TAF9: variants seen among roughly 807,000 people sequenced by gnomAD.
TAF9 encodes the protein transcription initiation factor TFIID subunit 9.
TAF9 carries 10 observed loss-of-function variants against 16.5 expected under a neutral mutation model. The ratio of observed to expected loss-of-function variants is 0.61; its 90% CI spans 0.37 to 1.03. The LOEUF is 1.03. Among genes scored for constraint, TAF9 ranks in the 50% least tolerant of loss-of-function variants. The pLI is 0.01. For synonymous variants in TAF9, 105 were observed against 120.5 expected, an observed-to-expected ratio of 0.87 and a Z score of 0.84; for missense variants, 288 against 319.1, an observed-to-expected ratio of 0.90 and a Z score of 0.74.
Position 69,366,589 on chromosome 5 carries a change from G to A in TAF9, c.-104C>T. On this transcript the variant is annotated 5_prime_UTR_variant, in exon 2 of 3. Transcript: ENST00000217893. ...GCCTAGTGTGGTTTTTCCAACCCCTGGTGTACCTGTAAGACAAGCCACAGA... is the reference window on the plus strand; with the variant it reads ...GCCTAGTGTGGTTTTTCCAACCCCTAGTGTACCTGTAAGACAAGCCACAGA... 6.2e-7 allele frequency: 1 copy of A among 1,612,560 alleles called. No homozygotes were observed. Among genetic ancestry groups the A allele is most frequent in the Non-Finnish European group, 8.5e-7 (1 of 1,178,800 alleles).
intron 1 of TAF9, chr5:69,367,867 T>C (rs945843574): frequency 1.3e-5 from 2 of 152,160 alleles, no homozygotes; most frequent in Admixed American, 6.5e-5. Flanking sequence ...CTTATAAAGA[T>C]TTAAAAACTG....
At position 69,364,749 on chromosome 5, in the gene TAF9, GAATGAC is replaced by G; in HGVS notation, c.*188_*193del. ...ACTGCCAAAGCACCAACAATCGAAT[GAATGAC>G]AACTTTATTTTTCTTACACTTTTAA... On this transcript the variant is annotated 3_prime_UTR_variant, in exon 3 of 3. Coordinates refer to ENST00000217893, the MANE Select transcript of TAF9 (RefSeq NM_003187.5). 1 of 671,054 alleles carries G rather than the reference GAATGAC, an allele frequency of 1.5e-6. No individual in the cohort carries two copies. Among genetic ancestry groups the G allele is most frequent in the Admixed American group, 2.5e-5 (1 of 40,554 alleles). The allele number at this position is 671,054 out of a possible 1,614,324, so 41.6% of individuals were successfully genotyped here. A position where few individuals can be genotyped will look rare whatever the true frequency, so the allele number is the denominator to read the frequency against.
chr5:69,364,999 T>G lies in TAF9; in HGVS notation c.739A>C (p.Lys247Gln). 1 of 1,614,040 alleles carries G rather than the reference T, an allele frequency of 6.2e-7. No individual in the cohort carries two copies. The highest frequency in any genetic ancestry group is 2.2e-5 in the East Asian group (1 of 44,890). The change falls in exon 3 of 3, where the codon AAA (lysine) becomes CAA (glutamine). Residue 247 changes from lysine to glutamine, a missense_variant. Coordinates refer to ENST00000217893, the MANE Select transcript of TAF9 (RefSeq NM_003187.5). ...ANESSNALKR[K>Q]REDDDDDDDD... ...TCGTCATCATCATCATCTTCACGTT[T>G]TCTTTTCAATGCATTTGATGATTCA...
At chr5:69,366,830 C>T (rs1762451013) in intron 1 of TAF9, 2 of 478,142 alleles carry the variant, frequency 4.2e-6, no homozygotes, top group African/African-American at 3.9e-5. Context: ...ACAATCTTGG[C>T]TCACTGCAAC....
At chr5:69,369,333 A>T in intron 1 of TAF9, 130 bp downstream of exon 1, 2 of 930,316 alleles carry the variant, frequency 2.1e-6, no homozygotes, top group Non-Finnish European at 2.9e-6. Context: ...GGGCGCTGAC[A>T]ACCGCCTCGT....
At chr5:69,369,521 G>T (rs773812621), upstream of TAF9, 1 of 1,610,964 alleles carries the variant, frequency 6.2e-7, no homozygotes, top group Non-Finnish European at 8.5e-7. Flanking sequence ...CGGGCGCCTC[G>T]CTCACGTGCC....
chr5:69,369,762 T>C, upstream of TAF9: 23 of 1,476,340 alleles, frequency 1.6e-5, no homozygotes, highest in South Asian at 2.7e-4. Flanking sequence ...ACACACTCCT[T>C]CGGTGGTCCC....
chr5:69,369,494 C>G lies in TAF9; in HGVS notation c.-142G>C, dbSNP rs750739293. Reference sequence around the variant, plus strand: ...GCAGGATGTTCGGAAGCAACATGGTCCCCGCCGCGACGGCTTCGGGCGCCT... The same window carrying G: ...GCAGGATGTTCGGAAGCAACATGGTGCCCGCCGCGACGGCTTCGGGCGCCT... On this transcript the variant is annotated 5_prime_UTR_variant, in exon 1 of 3. Coordinates refer to ENST00000217893, the MANE Select transcript of TAF9 (RefSeq NM_003187.5). 1.2e-6 allele frequency: 2 copies of G among 1,611,462 alleles called. No individual in the cohort carries two copies. Among genetic ancestry groups the G allele is most frequent in the African/African-American group, 1.3e-5 (1 of 74,768 alleles).
At chr5:69,367,534 C>G (rs1466864269) in intron 1 of TAF9, among the ~76,000 whole-genome samples, 1 of 151,142 alleles carries the variant, frequency 6.6e-6, no homozygotes, top group Non-Finnish European at 1.5e-5. Flanking sequence ...TTAGCCACCT[C>G]GAATCAATTA....
At chr5:69,366,774 T>C (rs4252225) in intron 1 of TAF9, 179 bp from the exon 2 acceptor site, 226 of 590,548 alleles carry the variant, frequency 3.8e-4, no homozygotes, top group African/African-American at 3.7e-3. Context: ...AATTTTTTTT[T>C]TGAGACAGAG....
At chr5:69,369,093 T>C (rs1469257477) in intron 1 of TAF9, 1 of 362,344 alleles carries the variant, frequency 2.8e-6, no homozygotes, top group East Asian at 5.3e-5. Context: ...GATATGGCCT[T>C]ACGTTATTTC....
chr5:69,367,677 C>T (rs1034021051), intron 1 of TAF9, among the ~76,000 whole-genome samples: 34 of 152,042 alleles, frequency 2.2e-4, no homozygotes, highest in African/African-American at 8.0e-4. Flanking sequence ...CTCAGCCTGT[C>T]CGGTAGCTAG....
rs1336781821 is a variant in TAF9, at chr5:69,366,556, A to C, written c.-71T>G. 1 of 1,614,102 alleles carries C rather than the reference A, an allele frequency of 6.2e-7. No individual in the cohort carries two copies. The highest frequency in any genetic ancestry group is 8.5e-7 in the Non-Finnish European group (1 of 1,180,022). ...GTATTTCAGTCCTGATTTTGACGCA[A>C]GTTCTTTGCCTAGTGTGGTTTTTCC... On this transcript the variant is annotated 5_prime_UTR_variant, in exon 2 of 3. Coordinates refer to ENST00000217893, the MANE Select transcript of TAF9 (RefSeq NM_003187.5).
upstream of TAF9, chr5:69,369,533 T>G: frequency 6.2e-7 from 1 of 1,611,150 alleles, no homozygotes. Flanking sequence ...TCACGTGCCC[T>G]TTGCTCTACA....
chr5:69,369,593 GC>G (rs970291934), upstream of TAF9: 83 of 1,595,470 alleles, frequency 5.2e-5, no homozygotes, highest in African/African-American at 1.0e-3. Context: ...GGCCCCAAAG[GC>G]CCCGAAGCCC....
At chr5:69,369,365 G>A (rs888980526) in intron 1 of TAF9, 98 bp downstream of exon 1, 30 of 1,375,958 alleles carry the variant, frequency 2.2e-5, no homozygotes, top group Non-Finnish European at 2.7e-5. Context: ...GGCCTCTGAA[G>A]AGGGCAGTGA....
Position 69,364,956 on chromosome 5 carries a change from T to C in TAF9, c.782A>G (p.Tyr261Cys), listed in dbSNP as rs768657666. 14 of 1,611,026 alleles carry C rather than the reference T, an allele frequency of 8.7e-6. No individual in the cohort carries two copies. Among genetic ancestry groups the C allele is most frequent in the African/African-American group, 2.7e-5 (2 of 74,910 alleles). ...DDDDDDDDDD[Y>C]DNL ...AGCAAGGCTAGATTACAGATTATCA[T>C]AGTCATCATCATCATCATCGTCATC... Residue 261 changes from tyrosine (Y) to cysteine (C), a missense_variant, in exon 3 of 3, where the codon TAT becomes TGT. Transcript: ENST00000217893.
chr5:69,365,133 G>A lies in TAF9; in HGVS notation c.605C>T (p.Ser202Leu). Residue 202 changes from serine to leucine, a missense_variant, in exon 3 of 3, where the codon TCA (serine) becomes TTA (leucine). Physicochemically the swap from Ser to Leu is moderately radical, Grantham distance 145. Transcript: ENST00000217893. ...CTGAACTGCTGAGGTTGCAGGAATTGAAGCTTTTACAGCTGGAGACTGAGA... is the reference window on the plus strand; with the variant it reads ...CTGAACTGCTGAGGTTGCAGGAATTAAAGCTTTTACAGCTGGAGACTGAGA... Reference protein sequence around the residue: ...PTSQSPAVKASIPATSAVQNV... With the variant: ...PTSQSPAVKALIPATSAVQNV... 1 of 1,614,214 alleles carries A rather than the reference G, an allele frequency of 6.2e-7. No individual in the cohort carries two copies. Among genetic ancestry groups the A allele is most frequent in the Non-Finnish European group, 8.5e-7 (1 of 1,180,034 alleles).
chr5:69,365,545 T>C lies in TAF9; in HGVS notation c.193A>G (p.Thr65Ala), dbSNP rs1762385751. The change falls in exon 3 of 3, where the codon ACT becomes GCT. Residue 65 changes from threonine (T) to alanine (A), a missense_variant. By Grantham distance (58) the Thr-to-Ala change is moderately conservative. Transcript: ENST00000217893. ...KIYSSHAKKA[T>A]VDADDVRLAI... ...AATCGCACATCATCTGCATCAACAG[T>C]AGCTTTCTTAGCATGGCTTGAATAA... The C allele has an allele frequency of 9.3e-6, 15 of 1,613,934 alleles. No individual in the cohort carries two copies. The highest frequency in any genetic ancestry group is 1.2e-5 in the Non-Finnish European group (14 of 1,179,896).
Sources: gnomAD v4.1 joint callset for allele counts (sites outside exome capture counted in the v4.1 genomes callset) on GRCh38, gnomAD v4.1.1 for gene constraint, MANE v1.5 for transcripts, NCBI Gene and HGNC (gene_info 2026-07-23, HGNC 2026-07-21) for gene names.